The following DPY19L1 variants were observed in gnomAD, a reference collection of about 807,000 sequenced individuals.
DPY19L1 encodes the protein protein C-mannosyl-transferase DPY19L1.
DPY19L1 carries 35 observed loss-of-function variants against 96.9 expected under a neutral mutation model. The ratio of observed to expected loss-of-function variants is 0.36; its 90% CI spans 0.28 to 0.48. The LOEUF is 0.48. DPY19L1 is among the 20% of genes least tolerant of loss of function. The pLI is 0.99. For missense variants in DPY19L1, 521 were observed against 777.9 expected, an observed-to-expected ratio of 0.67 and a Z score of 3.93; for synonymous variants, 205 against 252.6, an observed-to-expected ratio of 0.81 and a Z score of 1.79.
upstream of DPY19L1, chr7:35,037,942 C>G: frequency 1.6e-6 from 2 of 1,218,668 alleles, no homozygotes; most frequent in Non-Finnish European, 2.1e-6. Context: ...GGGATCGGGG[C>G]GCTGATTCAA....
chr7:34,949,662 C>T, intron 14 of DPY19L1, 135 bp downstream of exon 14: 1 of 598,210 alleles, frequency 1.7e-6, no homozygotes, highest in Admixed American at 3.8e-5. Flanking sequence ...AAAAATCTTC[C>T]TCTAAGCTGC....
At chr7:34,985,186 T>A (rs754724071) in intron 7 of DPY19L1, among the ~76,000 whole-genome samples, 4 of 152,102 alleles carry the variant, frequency 2.6e-5, no homozygotes, top group Admixed American at 6.6e-5. Flanking sequence ...CCCCTAAGAA[T>A]TTCGTATTTG....
At chr7:35,006,152 A>G (rs1488003756) in intron 6 of DPY19L1, among the ~76,000 whole-genome samples, 2 of 152,230 alleles carry the variant, frequency 1.3e-5, no homozygotes, top group Non-Finnish European at 2.9e-5. Context: ...TCATCCTTAC[A>G]TAGCAGTAAA....
intron 1 of DPY19L1, among the ~76,000 whole-genome samples, chr7:35,032,807 A>T (rs1248573658): frequency 6.6e-6 from 1 of 151,684 alleles, no homozygotes. Flanking sequence ...AGTATTCATA[A>T]CTCCTTCCTT....
At chr7:34,942,184 G>A (rs1784034719) in intron 17 of DPY19L1, among the ~76,000 whole-genome samples, 1 of 152,098 alleles carries the variant, frequency 6.6e-6, no homozygotes, top group Non-Finnish European at 1.5e-5. Flanking sequence ...AAAAGACAGT[G>A]GTAAAAGAAA....
chr7:34,978,680 C>T (rs328899), intron 7 of DPY19L1, among the ~76,000 whole-genome samples: 39,710 of 151,858 alleles, frequency 0.26, 5,397 homozygotes, highest in Non-Finnish European at 0.31. Flanking sequence ...TATTTTTGTA[C>T]CATACACAGG....
chr7:34,948,943 C>T (rs1299341175), intron 14 of DPY19L1, among the ~76,000 whole-genome samples: 1 of 152,202 alleles, frequency 6.6e-6, no homozygotes, highest in African/African-American at 2.4e-5. Context: ...GCCCTCTCAT[C>T]CACTGGTCTG....
intron 21 of DPY19L1, among the ~76,000 whole-genome samples, chr7:34,933,070 T>A (rs569951716): frequency 4.6e-5 from 7 of 152,140 alleles, no homozygotes; most frequent in African/African-American, 1.4e-4. Context: ...AAAGTCACCA[T>A]CATCTCCAAT....
intron 10 of DPY19L1, among the ~76,000 whole-genome samples, chr7:34,964,221 G>T (rs548355751): frequency 6.6e-6 from 1 of 152,062 alleles, no homozygotes; most frequent in African/African-American, 2.4e-5. Context: ...ATAGAAAACA[G>T]TAAGTCATAT....
intron 21 of DPY19L1, among the ~76,000 whole-genome samples, chr7:34,936,569 A>G (rs1562797855): frequency 6.6e-6 from 1 of 152,240 alleles, no homozygotes; most frequent in Non-Finnish European, 1.5e-5. Context: ...CATTCATTTC[A>G]TATAATTTCC....
chr7:34,951,298 T>A (rs2128784698), intron 13 of DPY19L1, among the ~76,000 whole-genome samples: 1 of 152,038 alleles, frequency 6.6e-6, no homozygotes, highest in South Asian at 2.1e-4. Context: ...ATCAATTAGC[T>A]CACAAACAGA....
intron 10 of DPY19L1, among the ~76,000 whole-genome samples, chr7:34,965,246 A>AT (rs1784585453): frequency 6.6e-6 from 1 of 152,156 alleles, no homozygotes; most frequent in Non-Finnish European, 1.5e-5. Context: ...GAGAACCTAA[A>AT]TGTCCTTCAA....
At chr7:34,959,962 C>G (rs1318482218) in intron 10 of DPY19L1, among the ~76,000 whole-genome samples, 1 of 136,206 alleles carries the variant, frequency 7.3e-6, no homozygotes, top group Non-Finnish European at 1.6e-5. Context: ...AACCTAGCCC[C>G]TTATCAAGTA....
intron 1 of DPY19L1, among the ~76,000 whole-genome samples, chr7:35,031,710 T>G (rs561527687): frequency 2.0e-5 from 3 of 152,226 alleles, no homozygotes; most frequent in Admixed American, 2.0e-4. Flanking sequence ...TATATTTACA[T>G]AAACTAAACT....
intron 6 of DPY19L1, among the ~76,000 whole-genome samples, chr7:35,005,426 G>C (rs2128676594): frequency 6.6e-6 from 1 of 151,582 alleles, no homozygotes; most frequent in South Asian, 2.1e-4. Flanking sequence ...AATGGGACCA[G>C]GGCCTCGCTG....
chr7:35,005,718 C>T (rs552256902), intron 6 of DPY19L1, among the ~76,000 whole-genome samples: 73 of 148,530 alleles, frequency 4.9e-4, no homozygotes, highest in East Asian at 2.8e-3. Flanking sequence ...GAGGCTGAGA[C>T]GAGAATTGCT....
intron 1 of DPY19L1, among the ~76,000 whole-genome samples, chr7:35,034,912 C>T (rs1357222440): frequency 2.0e-5 from 3 of 152,166 alleles, no homozygotes; most frequent in African/African-American, 7.2e-5. Flanking sequence ...AATGTCAGCT[C>T]AACTCTCACT....
At chr7:34,941,559 T>C (rs1784015808) in intron 18 of DPY19L1, among the ~76,000 whole-genome samples, 1 of 152,260 alleles carries the variant, frequency 6.6e-6, no homozygotes, top group Non-Finnish European at 1.5e-5. Flanking sequence ...AAATCGGTAT[T>C]AGTTGTACAC....
intron 5 of DPY19L1, among the ~76,000 whole-genome samples, chr7:35,011,123 T>C (rs1785700223): frequency 6.6e-6 from 1 of 152,168 alleles, no homozygotes; most frequent in East Asian, 1.9e-4. Flanking sequence ...TCCCAGACAT[T>C]TGAGTCTTAG....
Sources: gnomAD v4.1 joint callset for allele counts (sites outside exome capture counted in the v4.1 genomes callset) on GRCh38, gnomAD v4.1.1 for gene constraint, MANE v1.5 for transcripts, NCBI Gene and HGNC (gene_info 2026-07-23, HGNC 2026-07-21) for gene names.